Variants in ANK3 observed in about 807,000 individuals in gnomAD.
ANK3 encodes ankyrin 3, also known as ankyrin-3.
ANK3 carries 57 observed loss-of-function variants against 370.9 expected under a neutral mutation model. That is an observed-to-expected ratio of 0.15 (90% CI 0.12 to 0.19). The LOEUF (loss-of-function observed/expected upper bound fraction) is 0.19, where lower values mean the gene tolerates loss of function less well. Among genes scored for constraint, ANK3 ranks in the 10% least tolerant of loss-of-function variants. The probability of loss-of-function intolerance (pLI) is 1.00; values close to 1 mark genes in which losing one functional copy is unlikely to be tolerated. For synonymous variants in ANK3, 1,929 were observed against 1,946.3 expected (o/e 0.99, Z 0.23); for missense variants, 4,439 against 5,302.1 (o/e 0.84, Z 5.06).
intron 15 of ANK3, 86 bp from the exon 16 acceptor site, chr10:60,196,329 T>A: frequency 8.1e-7 from 1 of 1,234,506 alleles, no homozygotes; most frequent in African/African-American, 1.5e-5. Context: ...TTAGATTGGA[T>A]ACGACATAGG....
intron 1 of ANK3, among the ~76,000 whole-genome samples, chr10:60,381,403 C>T (rs544726617): frequency 6.6e-6 from 1 of 152,192 alleles, no homozygotes; most frequent in Admixed American, 6.5e-5. Flanking sequence ...ATGTATTTAA[C>T]ATATGAGTCT....
At chr10:60,392,086 A>C (rs1426897432), upstream of ANK3, among the ~76,000 whole-genome samples, 5 of 152,166 alleles carry the variant, frequency 3.3e-5, no homozygotes, top group Non-Finnish European at 5.9e-5. Flanking sequence ...ATATTACTAA[A>C]GGCTAAATCC....
chr10:60,709,489 ATTTGTATACAT>A (rs2079670828), intron 1 of ANK3, among the ~76,000 whole-genome samples: 1 of 152,094 alleles, frequency 6.6e-6, no homozygotes, highest in South Asian at 2.1e-4. Context: ...TAAATAGCTG[ATTTGTATACAT>A]TTTGTATGTC....
chr10:60,409,035 C>T (rs781683907), intron 2 of ANK3, among the ~76,000 whole-genome samples: 2 of 152,198 alleles, frequency 1.3e-5, no homozygotes, highest in African/African-American at 2.4e-5. Context: ...GCAGCGATGT[C>T]AATATATCTG....
chr10:60,392,521 C>T (rs1451612250), upstream of ANK3, among the ~76,000 whole-genome samples: 1 of 152,132 alleles, frequency 6.6e-6, no homozygotes. Context: ...CCGACGGTCA[C>T]CTCCCTCTAC....
chr10:60,252,603 G>A (rs955578910), intron 7 of ANK3, among the ~76,000 whole-genome samples: 1 of 152,010 alleles, frequency 6.6e-6, no homozygotes, highest in Non-Finnish European at 1.5e-5. Context: ...CATATTCAAG[G>A]AGAAAAAGTG....
chr10:60,694,817 G>C (rs1196813799), intron 1 of ANK3, among the ~76,000 whole-genome samples: 1 of 150,682 alleles, frequency 6.6e-6, no homozygotes, highest in Non-Finnish European at 1.5e-5. Flanking sequence ...AGACCATCGA[G>C]ACTAGGAAGA....
At chr10:60,424,602 C>A (rs977582897) in intron 2 of ANK3, among the ~76,000 whole-genome samples, 9 of 151,964 alleles carry the variant, frequency 5.9e-5, no homozygotes, top group Non-Finnish European at 1.0e-4. Context: ...ACAATTCCAC[C>A]CTTACGATTT....
At chr10:60,697,118 C>T (rs1187315569) in intron 1 of ANK3, among the ~76,000 whole-genome samples, 9 of 151,760 alleles carry the variant, frequency 5.9e-5, no homozygotes, top group Admixed American at 2.0e-4. Flanking sequence ...AACAGACAAA[C>T]GGAGAGCCAA....
At chr10:60,475,494 T>C (rs1156936272) in intron 2 of ANK3, among the ~76,000 whole-genome samples, 1 of 152,162 alleles carries the variant, frequency 6.6e-6, no homozygotes, top group African/African-American at 2.4e-5. Flanking sequence ...GAAGTCTGAT[T>C]TTACCCATGT....
At chr10:60,538,065 A>G (rs1314403419) in intron 2 of ANK3, among the ~76,000 whole-genome samples, 1 of 151,938 alleles carries the variant, frequency 6.6e-6, no homozygotes, top group Non-Finnish European at 1.5e-5. Context: ...AAGCAAGGCA[A>G]CTGTGGTTAT....
intron 2 of ANK3, among the ~76,000 whole-genome samples, chr10:60,465,809 A>G (rs2064999551): frequency 6.8e-6 from 1 of 147,520 alleles, no homozygotes; most frequent in South Asian, 2.1e-4. Flanking sequence ...TTTTTTTTCA[A>G]AAAAAGAGGA....
chr10:60,545,440 T>TG (rs2076941480), intron 2 of ANK3, among the ~76,000 whole-genome samples: 1 of 75,994 alleles, frequency 1.3e-5, no homozygotes, highest in African/African-American at 3.9e-5. Context: ...TCTAATCAAA[T>TG]GAAAAAAAAA....
intron 1 of ANK3, among the ~76,000 whole-genome samples, chr10:60,693,882 G>A: frequency 6.6e-6 from 1 of 152,114 alleles, no homozygotes; most frequent in African/African-American, 2.4e-5. Context: ...ACCAGCAATG[G>A]AACAAAGCTG....
chr10:60,532,201 G>C (rs1327333857), intron 2 of ANK3, among the ~76,000 whole-genome samples: 1 of 152,172 alleles, frequency 6.6e-6, no homozygotes, highest in African/African-American at 2.4e-5. Flanking sequence ...AGTCTAAAGA[G>C]ACCCAGTTGC....
intron 1 of ANK3, among the ~76,000 whole-genome samples, chr10:60,615,764 G>A (rs2078259871): frequency 6.6e-6 from 1 of 152,160 alleles, no homozygotes; most frequent in South Asian, 2.1e-4. Context: ...GATTATGCAA[G>A]AGATGACATG....
chr10:60,616,026 A>T (rs1339717899), intron 1 of ANK3, among the ~76,000 whole-genome samples: 1 of 152,130 alleles, frequency 6.6e-6, no homozygotes, highest in African/African-American at 2.4e-5. Flanking sequence ...TTTGAAGTTA[A>T]CTCTAACTAC....
intron 2 of ANK3, among the ~76,000 whole-genome samples, chr10:60,405,828 G>A (rs772310038): frequency 3.1e-4 from 47 of 152,112 alleles, no homozygotes; most frequent in African/African-American, 8.0e-4. Context: ...AATGTTAATC[G>A]TAGAATCTAA....
In ANK3 at chr10:60,235,916, T is replaced by C. The variant is rs184197327; in HGVS notation, c.799-1130A>G. Among the ~76,000 whole-genome samples the C allele has an allele frequency of 3.3e-4, 51 of 152,340 alleles. No homozygotes were observed. In the Middle Eastern group the frequency reaches 0.01, roughly 30 times the overall value. The stretch of plus-strand genomic sequence containing the variant: ...AATTCTCACAATCCTCATATCATCA[T>C]ACATAATCTGAATTACAATCCCCAT... On this transcript the variant is annotated intron_variant, in intron 7 of 43. Coordinates refer to ENST00000280772, the MANE Select transcript of ANK3 (RefSeq NM_020987.5).
Sources: allele counts gnomAD v4.1 joint callset (sites outside exome capture counted in the v4.1 genomes callset), GRCh38; gene constraint gnomAD v4.1.1; transcripts MANE v1.5; gene names NCBI Gene and HGNC (gene_info 2026-07-23, HGNC 2026-07-21).